SLC10A2: variants seen among roughly 807,000 people sequenced by gnomAD.
The protein encoded by SLC10A2 is ileal sodium/bile acid cotransporter.
In SLC10A2, 34 loss-of-function variants were observed where a neutral mutation model predicts 27.1. The ratio of observed to expected loss-of-function variants is 1.26; its 90% CI spans 0.96 to 1.67. The LOEUF (loss-of-function observed/expected upper bound fraction) is 1.67, where lower values mean the gene tolerates loss of function less well. SLC10A2 is among the 40% of genes most tolerant of loss of function. The pLI, the probability that SLC10A2 is intolerant of heterozygous loss-of-function variation, is 0.00. For missense variants in SLC10A2, 530 were observed against 444.4 expected (o/e 1.19, Z -1.73); for synonymous variants, 205 against 174.0 (o/e 1.18, Z -1.40).
chr13:103,051,668 G>C (rs958309459), intron 3 of SLC10A2, among the ~76,000 whole-genome samples: 1 of 152,172 alleles, frequency 6.6e-6, no homozygotes, highest in Admixed American at 6.5e-5. Flanking sequence ...TTTGCAATTA[G>C]TCTGAAGATT....
Position 103,046,832 on chromosome 13 carries a change from G to T in SLC10A2, c.920-572C>A, listed in dbSNP as rs565397975. Among the ~76,000 whole-genome samples the T allele has an allele frequency of 3.9e-5, 6 of 152,306 alleles. No individual in the cohort carries two copies. In the East Asian group the frequency reaches 1.2e-3, roughly 29 times the overall value. ...TTATTTTTAATGTCAGCTCATCAGG[G>T]TAGGCTCTGCCCTGCGAGGCAAGAC... is the stretch of plus-strand genomic sequence containing the variant. On this transcript the variant is annotated intron_variant, in intron 5 of 5. Transcript: ENST00000245312.
chr13:103,059,214 T>C (rs1876029849), intron 1 of SLC10A2, among the ~76,000 whole-genome samples: 1 of 152,246 alleles, frequency 6.6e-6, no homozygotes, highest in Non-Finnish European at 1.5e-5. Context: ...ATCAGTGATG[T>C]TGAACTTTTT....
In SLC10A2 at chr13:103,058,389, G is replaced by A. The variant is rs200291412; in HGVS notation, c.378-7C>T. Reference sequence around the variant, plus strand: ...GCATGTGGTCATGCTGACGCTGAAAGGCAATGGGCAGATTGATACATCCAC... The same window carrying A: ...GCATGTGGTCATGCTGACGCTGAAAAGCAATGGGCAGATTGATACATCCAC... On this transcript the variant is annotated splice_region_variant and splice_polypyrimidine_tract_variant and intron_variant, in intron 1 of 5. Coordinates refer to ENST00000245312, the MANE Select transcript of SLC10A2 (RefSeq NM_000452.3). The A allele has an allele frequency of 3.4e-5, 53 of 1,547,374 alleles. No homozygotes were observed. Among genetic ancestry groups the A allele is most frequent in the Middle Eastern group, 1.7e-4 (1 of 5,880 alleles).
At chr13:103,063,523 C>A (rs1876189262) in intron 1 of SLC10A2, among the ~76,000 whole-genome samples, 1 of 152,156 alleles carries the variant, frequency 6.6e-6, no homozygotes, top group Non-Finnish European at 1.5e-5. Flanking sequence ...AGTAAATTAT[C>A]AGGAGACTTT....
At chr13:103,054,771 C>T (rs1039270365) in intron 2 of SLC10A2, among the ~76,000 whole-genome samples, 9 of 152,056 alleles carry the variant, frequency 5.9e-5, no homozygotes, top group African/African-American at 2.2e-4. Flanking sequence ...TTCTTTACAC[C>T]CACAGTGTGT....
At chr13:103,048,269 T>C (rs1875669216) in intron 5 of SLC10A2, among the ~76,000 whole-genome samples, 1 of 151,804 alleles carries the variant, frequency 6.6e-6, no homozygotes, top group African/African-American at 2.4e-5. Context: ...CGGGCACCTG[T>C]AGTCCCAGCT....
rs371937386 is a variant in SLC10A2, at chr13:103,066,097, G to T, written c.153C>A (p.Cys51Ter). Residue 51 changes from cysteine (C) to a stop codon, truncating the protein, a stop_gained, in exon 1 of 6, where the codon TGC (cysteine) becomes TGA (stop). Transcript: ENST00000245312. LOFTEE classifies it high-confidence loss of function. ...CTAGAAATTTCTTGATTTCCACGTT[G>T]CATCCCATGGAGAACATCACCAAGG... The part of the protein sequence containing the change: ...LLALVMFSMG[C>*]NVEIKKFLGH... The T allele has an allele frequency of 5.0e-6, 8 of 1,613,820 alleles. No homozygotes were observed. In the African/African-American group the frequency reaches 5.3e-5, roughly 11 times the overall value.
At position 103,049,491 on chromosome 13, in the gene SLC10A2, T is replaced by C. The variant is rs751108687; in HGVS notation, c.762-45A>G. ...AGCACATGTTTTAGTAGTTTTGTTA[T>C]TGTGAAACATGAAAAGCAGATATAA... On this transcript the variant is annotated intron_variant, in intron 4 of 5. Transcript: ENST00000245312. 16 of 1,601,728 alleles carry C rather than the reference T, an allele frequency of 1.0e-5. No homozygotes were observed. In the East Asian group the frequency reaches 2.7e-4, roughly 27 times the overall value.
At chr13:103,049,096 G>A (rs993311600) in intron 5 of SLC10A2, among the ~76,000 whole-genome samples, 193 bp downstream of exon 5, 2 of 152,144 alleles carry the variant, frequency 1.3e-5, no homozygotes, top group African/African-American at 2.4e-5. Flanking sequence ...AATAATCTTT[G>A]CTAGAATCTT....
chr13:103,062,435 A>G (rs1334582569), intron 1 of SLC10A2, among the ~76,000 whole-genome samples: 2 of 152,266 alleles, frequency 1.3e-5, no homozygotes, highest in African/African-American at 4.8e-5. Flanking sequence ...GATGAAATAT[A>G]CCAACTTATT....
chr13:103,057,607 C>T (rs781482047), intron 2 of SLC10A2, among the ~76,000 whole-genome samples: 1 of 152,046 alleles, frequency 6.6e-6, no homozygotes, highest in Admixed American at 6.5e-5. Context: ...TCAGGCTGGG[C>T]GTGGTGGCTC....
intron 2 of SLC10A2, among the ~76,000 whole-genome samples, chr13:103,056,140 G>A (rs1166190522): frequency 6.6e-6 from 1 of 152,216 alleles, no homozygotes; most frequent in Non-Finnish European, 1.5e-5. Flanking sequence ...TCACCATTGT[G>A]CCATCTGTGA....
chr13:103,051,537 G>A (rs1875783013), intron 3 of SLC10A2, 105 bp from the exon 4 acceptor site: 2 of 1,260,382 alleles, frequency 1.6e-6, no homozygotes, highest in South Asian at 1.3e-5. Flanking sequence ...CCTGGGGGAA[G>A]TGATGATAAA....
At chr13:103,061,978 C>G (rs1041921832) in intron 1 of SLC10A2, among the ~76,000 whole-genome samples, 1 of 151,912 alleles carries the variant, frequency 6.6e-6, no homozygotes, top group South Asian at 2.1e-4. Flanking sequence ...ATTAGACTGA[C>G]AGAAAAGAGT....
intron 1 of SLC10A2, among the ~76,000 whole-genome samples, chr13:103,061,681 C>T (rs1876125081): frequency 6.6e-6 from 1 of 151,704 alleles, no homozygotes; most frequent in African/African-American, 2.4e-5. Flanking sequence ...TGATGAGGGA[C>T]AAAAGAGGGT....
intron 5 of SLC10A2, among the ~76,000 whole-genome samples, chr13:103,048,434 G>A (rs574548764): frequency 6.6e-5 from 10 of 150,940 alleles, no homozygotes; most frequent in Admixed American, 3.3e-4. Flanking sequence ...AAAAAGAAAA[G>A]AGAGAGAGAG....
At chr13:103,049,266 A>G in intron 5 of SLC10A2, 23 bp downstream of exon 5, 2 of 1,612,644 alleles carry the variant, frequency 1.2e-6, no homozygotes, top group Non-Finnish European at 1.7e-6. Flanking sequence ...TTATCATGAA[A>G]TGGGATTGGC....
intron 5 of SLC10A2, among the ~76,000 whole-genome samples, chr13:103,047,642 CCAGGTATTGTATA>C (rs901958370): frequency 9.3e-5 from 14 of 150,278 alleles, no homozygotes; most frequent in African/African-American, 3.4e-4. Flanking sequence ...AAATATGTTT[CCAGGTATTGTATA>C]CACTTAACAA....
chr13:103,046,755 C>A (rs166833), intron 5 of SLC10A2, among the ~76,000 whole-genome samples: 106,535 of 151,986 alleles, frequency 0.7, 37,991 homozygotes, highest in Non-Finnish European at 0.77. Flanking sequence ...GGGTGATCAG[C>A]ATTCCTCTTT....
Sources: allele counts gnomAD v4.1 joint callset (sites outside exome capture counted in the v4.1 genomes callset), GRCh38; gene constraint gnomAD v4.1.1; transcripts MANE v1.5; gene names NCBI Gene and HGNC (gene_info 2026-07-23, HGNC 2026-07-21).